Variants in MED13 observed in about 807,000 individuals in gnomAD.
The protein encoded by MED13 is mediator of RNA polymerase II transcription subunit 13.
In MED13, 23 loss-of-function variants were observed where a neutral mutation model predicts 225.2. The ratio of observed to expected loss-of-function variants is 0.10; its 90% CI spans 0.07 to 0.14. The LOEUF (loss-of-function observed/expected upper bound fraction) is 0.14, where lower values mean the gene tolerates loss of function less well. MED13 is among the 10% of genes least tolerant of loss of function. The pLI is 1.00. For synonymous variants in MED13, 942 were observed against 889.2 expected, an observed-to-expected ratio of 1.06 and a Z score of -1.06; for missense variants, 2,197 against 2,594.5, an observed-to-expected ratio of 0.85 and a Z score of 3.33.
At chr17:62,016,210 G>T (rs1288153028) in intron 8 of MED13, among the ~76,000 whole-genome samples, 1 of 146,186 alleles carries the variant, frequency 6.8e-6, no homozygotes, top group Non-Finnish European at 1.5e-5. Context: ...CCTACCCAAC[G>T]TATGAATAAT....
chr17:61,951,166 A>G (rs928646986), intron 27 of MED13, among the ~76,000 whole-genome samples, 168 bp from the exon 28 acceptor site: 5 of 152,238 alleles, frequency 3.3e-5, no homozygotes, highest in Non-Finnish European at 5.9e-5. Flanking sequence ...TAGGAGTATT[A>G]TAAGTAAAAG....
At chr17:61,950,440 G>A (rs2079887192) in intron 28 of MED13, among the ~76,000 whole-genome samples, 2 of 151,366 alleles carry the variant, frequency 1.3e-5, no homozygotes, top group African/African-American at 4.9e-5. Context: ...CTGGAGTGAA[G>A]TGGTACGATC....
intron 3 of MED13, 96 bp from the exon 4 acceptor site, chr17:62,035,704 C>T (rs1246138757): frequency 1.7e-6 from 2 of 1,209,108 alleles, no homozygotes; most frequent in Non-Finnish European, 2.2e-6. Flanking sequence ...AATGCATACC[C>T]TATTTTGCCC....
intron 24 of MED13, 143 bp from the exon 25 acceptor site, chr17:61,955,981 T>C (rs1311425097): frequency 4.1e-5 from 53 of 1,298,348 alleles, no homozygotes; most frequent in Non-Finnish European, 5.1e-5. Flanking sequence ...CCAACACGAG[T>C]CATCATCAAG....
At chr17:62,010,383 A>G (rs2080495134) in intron 9 of MED13, 167 bp downstream of exon 9, 7 of 438,302 alleles carry the variant, frequency 1.6e-5, no homozygotes, top group Non-Finnish European at 2.7e-5. Context: ...TTCATAATGA[A>G]GAAGTTCCCT....
Position 61,953,498 on chromosome 17 carries a change from G to A in MED13, c.5969-385C>T, listed in dbSNP as rs564766001. Among the ~76,000 whole-genome samples the A allele has an allele frequency of 3.3e-5, 5 of 152,296 alleles. No homozygotes were observed. In the South Asian group the frequency reaches 8.3e-4, roughly 25 times the overall value. ...GGGAGGCAGTAGGGTTAGAGCCAGT[G>A]AAGGAGATGTGATGACACTATACTG... On this transcript the variant is annotated intron_variant, in intron 26 of 29. Transcript: ENST00000397786.
chr17:62,015,844 CTATA>C (rs1227615623), intron 8 of MED13, among the ~76,000 whole-genome samples: 12 of 109,096 alleles, frequency 1.1e-4, no homozygotes, highest in African/African-American at 3.2e-4. Context: ...TACACACACA[CTATA>C]TATATGTGTA....
At chr17:62,019,396 T>G (rs2080615358) in intron 8 of MED13, among the ~76,000 whole-genome samples, 1 of 152,184 alleles carries the variant, frequency 6.6e-6, no homozygotes, top group South Asian at 2.1e-4. Context: ...TAAATAGATG[T>G]AATAAACGTA....
At position 62,001,597 on chromosome 17, in the gene MED13, C is replaced by T. The variant is rs192752653; in HGVS notation, c.1968-6232G>A. ...TTCTATAGTCCTACGCTTTTCAGGT[C>T]TCATTTCTCATCATGACACACCAAA... On this transcript the variant is annotated intron_variant, in intron 9 of 29. Coordinates refer to ENST00000397786, the MANE Select transcript of MED13 (RefSeq NM_005121.3). 2.9e-3 allele frequency among the ~76,000 whole-genome samples: 440 copies of T among 152,266 alleles called. 4 individuals carry two copies. Among genetic ancestry groups the T allele is most frequent in the African/African-American group, 0.01 (418 of 41,548 alleles).
At chr17:61,973,682 A>G (rs1173022036) in intron 16 of MED13, among the ~76,000 whole-genome samples, 3 of 152,126 alleles carry the variant, frequency 2.0e-5, no homozygotes, top group Admixed American at 6.5e-5. Flanking sequence ...CCAATTTCCT[A>G]TACCTAAAAA....
At chr17:61,994,535 C>A (rs532044601) in intron 10 of MED13, among the ~76,000 whole-genome samples, 84 of 152,194 alleles carry the variant, frequency 5.5e-4, no homozygotes, top group African/African-American at 2.0e-3. Flanking sequence ...TCACTTACAA[C>A]ATATTTTAAA....
At chr17:62,041,814 C>T (rs1192289705) in intron 3 of MED13, among the ~76,000 whole-genome samples, 1 of 152,184 alleles carries the variant, frequency 6.6e-6, no homozygotes, top group Non-Finnish European at 1.5e-5. Flanking sequence ...AACTCCTGAG[C>T]TTAAGCAATC....
chr17:61,957,415 T>C (rs1278291068), intron 23 of MED13, among the ~76,000 whole-genome samples: 2 of 151,834 alleles, frequency 1.3e-5, no homozygotes, highest in Non-Finnish European at 2.9e-5. Context: ...AGTGGCATGA[T>C]CTCTGCTCAC....
Position 61,954,020 on chromosome 17 carries a change from A to T in MED13, c.5969-907T>A, listed in dbSNP as rs144930048. 1.9e-3 allele frequency among the ~76,000 whole-genome samples: 295 copies of T among 152,350 alleles called. 1 individual carries two copies. Among genetic ancestry groups the T allele is most frequent in the African/African-American group, 6.8e-3 (284 of 41,592 alleles). On this transcript the variant is annotated intron_variant, in intron 26 of 29. Transcript: ENST00000397786. ...AATATTAGAACAATTATAGCAAGGT[A>T]CTATAATAAAAGGTATGTGAATGTG... is the stretch of plus-strand genomic sequence containing the variant.
chr17:61,955,804 C>T lies in MED13; in HGVS notation c.5658G>A (p.Gln1886=), dbSNP rs2079938369. The change falls in exon 25 of 30, where the codon CAG becomes CAA. Residue 1886 remains glutamine (Q), a synonymous_variant. Transcript: ENST00000397786. The part of the protein sequence containing the change: ...WSCLLSRRNL[Q]SLSKRLKDMC... The stretch of plus-strand genomic sequence containing the variant: ...TGTCTTTGAGCCTTTTACTTAGAGA[C>T]TGCAAGTTTCGACGACTCAGCAAAC... 6.4e-7 allele frequency: 1 copy of T among 1,559,732 alleles called. No individual in the cohort carries two copies. The highest frequency in any genetic ancestry group is 8.6e-7 in the Non-Finnish European group (1 of 1,156,650).
rs779743883 is a variant in MED13 at position 62,063,124 on chromosome 17, T to C, written c.244A>G (p.Ile82Val). Residue 82 changes from isoleucine to valine, a missense_variant, in exon 2 of 30, where the codon ATA (isoleucine) becomes GTA (valine). Ile to Val is a conservative substitution (Grantham distance 29). This residue lies in a region of MED13 where 884 missense variants were observed against 918.5 expected (regional missense o/e 0.96). Coordinates refer to ENST00000397786, the MANE Select transcript of MED13 (RefSeq NM_005121.3). ...CTGGGGTCTTCACCCCACCAAAATATCCACAATTCTCTTCTTCCAGGTCTT... is the reference window on the plus strand; with the variant it reads ...CTGGGGTCTTCACCCCACCAAAATACCCACAATTCTCTTCTTCCAGGTCTT... Reference protein sequence around the residue: ...DQRPGRRELWIFWWGEDPSFA... With the variant: ...DQRPGRRELWVFWWGEDPSFA... The C allele has an allele frequency of 6.2e-7, 1 of 1,614,106 alleles. No individual in the cohort carries two copies. Among genetic ancestry groups the C allele is most frequent in the Non-Finnish European group, 8.5e-7 (1 of 1,180,004 alleles).
chr17:62,020,439 C>T (rs1217040856), intron 8 of MED13, among the ~76,000 whole-genome samples: 3 of 152,006 alleles, frequency 2.0e-5, no homozygotes, highest in African/African-American at 7.2e-5. Flanking sequence ...TGCAGTGGCA[C>T]GATCTCGGCT....
chr17:62,043,462 G>C (rs1188677397), intron 3 of MED13, among the ~76,000 whole-genome samples: 1 of 152,098 alleles, frequency 6.6e-6, no homozygotes, highest in Non-Finnish European at 1.5e-5. Flanking sequence ...ATTTAGCAGA[G>C]AGTTCATACC....
chr17:61,967,932 A>T (rs2080073367), intron 18 of MED13, 103 bp downstream of exon 18: 10 of 840,816 alleles, frequency 1.2e-5, no homozygotes, highest in Middle Eastern at 3.7e-4. Flanking sequence ...CTAATCTGAC[A>T]TCATCACTGT....
Sources: allele counts gnomAD v4.1 joint callset (sites outside exome capture counted in the v4.1 genomes callset), GRCh38; gene constraint gnomAD v4.1.1; regional missense constraint gnomAD v4.1.1; transcripts MANE v1.5; gene names NCBI Gene and HGNC (gene_info 2026-07-23, HGNC 2026-07-21).